Variants in CTNND2 observed in about 807,000 individuals in gnomAD.
CTNND2 encodes the protein catenin delta 2.
A neutral mutation model predicts 144.4 loss-of-function variants in CTNND2; 22 were observed. That is an observed-to-expected ratio of 0.15 (90% CI 0.11 to 0.22). CTNND2 has a LOEUF of 0.22. Ranked by LOEUF, CTNND2 falls within the 10% of genes least tolerant of loss-of-function variation. CTNND2 has a pLI of 1.00. For missense variants in CTNND2, 1,353 were observed against 1,618.8 expected, an observed-to-expected ratio of 0.84 and a Z score of 2.82; for synonymous variants, 751 against 695.6, an observed-to-expected ratio of 1.08 and a Z score of -1.25.
At chr5:11,333,409 A>G (rs191424840) in intron 9 of CTNND2, among the ~76,000 whole-genome samples, 148 of 152,270 alleles carry the variant, frequency 9.7e-4, no homozygotes, top group African/African-American at 3.4e-3. Context: ...GACCACAGGC[A>G]TGTGCCACCA....
rs1581953046 is a variant in CTNND2, at chr5:11,821,933, C to G, written c.37+81884G>C. Among the ~76,000 whole-genome samples, 3 of 152,108 alleles carry G rather than the reference C, an allele frequency of 2.0e-5. No homozygotes were observed. In the South Asian group the frequency reaches 6.2e-4, roughly 31 times the overall value. Reference sequence around the variant, plus strand: ...CAAATATGTCCCCCAAATAAGTAAACTACACATTCAGTTCAGTAAGGATGC... The same window carrying G: ...CAAATATGTCCCCCAAATAAGTAAAGTACACATTCAGTTCAGTAAGGATGC... On this transcript the variant is annotated intron_variant, in intron 1 of 21. Coordinates refer to ENST00000304623, the MANE Select transcript of CTNND2 (RefSeq NM_001332.4).
At chr5:11,093,396 AG>A (rs1326890530) in intron 15 of CTNND2, among the ~76,000 whole-genome samples, 1 of 152,236 alleles carries the variant, frequency 6.6e-6, no homozygotes. Flanking sequence ...AATGAGAAAA[AG>A]GTAACTGAAG....
intron 3 of CTNND2, among the ~76,000 whole-genome samples, chr5:11,480,173 G>A (rs139753797): frequency 6.6e-6 from 1 of 152,262 alleles, no homozygotes; most frequent in East Asian, 1.9e-4. Context: ...TCCATCTCGA[G>A]TTGATTTTTG....
intron 1 of CTNND2, among the ~76,000 whole-genome samples, chr5:11,744,980 C>T (rs1315515502): frequency 6.6e-6 from 1 of 152,052 alleles, no homozygotes; most frequent in East Asian, 1.9e-4. Flanking sequence ...AGGCGATCCA[C>T]CCACCTCGGC....
chr5:11,201,824 T>C (rs1681061894), intron 10 of CTNND2, among the ~76,000 whole-genome samples: 1 of 152,090 alleles, frequency 6.6e-6, no homozygotes, highest in Non-Finnish European at 1.5e-5. Flanking sequence ...GGAAACAACT[T>C]TACCCAACTT....
At chr5:11,039,601 T>C in intron 16 of CTNND2, among the ~76,000 whole-genome samples, 1 of 152,320 alleles carries the variant, frequency 6.6e-6, no homozygotes, top group East Asian at 1.9e-4. Context: ...CCTGTTGTTT[T>C]AATTGATTAG....
At chr5:11,686,431 T>C (rs1427639644) in intron 2 of CTNND2, among the ~76,000 whole-genome samples, 1 of 152,114 alleles carries the variant, frequency 6.6e-6, no homozygotes, top group Non-Finnish European at 1.5e-5. Flanking sequence ...TTTGTCAGAG[T>C]GAACTTTTTA....
chr5:11,699,190 A>G (rs907755280), intron 2 of CTNND2, among the ~76,000 whole-genome samples: 5 of 152,270 alleles, frequency 3.3e-5, no homozygotes, highest in Admixed American at 6.5e-5. Flanking sequence ...AATCGTAAGC[A>G]CTGGGACAAA....
At chr5:11,545,552 C>G (rs1229379225) in intron 3 of CTNND2, among the ~76,000 whole-genome samples, 1 of 149,026 alleles carries the variant, frequency 6.7e-6, no homozygotes, top group African/African-American at 2.5e-5. Context: ...ATCTCAGGTC[C>G]TCGGGAGACT....
rs1264170271 is a variant in CTNND2 at position 10,972,340 on chromosome 5, C to T, written c.*1113G>A. ...AGGAACAAACTGATGTACATTTATA[C>T]TAAAAAACCAAAAACAAAGTTTGTA... On this transcript the variant is annotated 3_prime_UTR_variant, in exon 22 of 22. Coordinates refer to ENST00000304623, the MANE Select transcript of CTNND2 (RefSeq NM_001332.4). The T allele has an allele frequency of 6.6e-6, 1 of 152,312 alleles. No homozygotes were observed. The highest frequency in any genetic ancestry group is 1.9e-4 in the East Asian group (1 of 5,198). 9.4% of individuals were successfully genotyped at this position (152,312 alleles called of 1,614,324 possible).
chr5:11,511,330 GA>G (rs1771625590), intron 3 of CTNND2, among the ~76,000 whole-genome samples: 2 of 152,158 alleles, frequency 1.3e-5, no homozygotes, highest in African/African-American at 2.4e-5. Flanking sequence ...GATGTGTCCA[GA>G]AATTAGAGTA....
intron 16 of CTNND2, among the ~76,000 whole-genome samples, chr5:11,068,134 A>G (rs1040538764): frequency 6.6e-6 from 1 of 152,342 alleles, no homozygotes; most frequent in African/African-American, 2.4e-5. Context: ...TTAAACTTTA[A>G]TAATTATAAA....
intron 16 of CTNND2, among the ~76,000 whole-genome samples, chr5:11,081,009 G>A (rs953716131): frequency 6.6e-6 from 1 of 151,784 alleles, no homozygotes; most frequent in South Asian, 2.1e-4. Flanking sequence ...CTTGGGAGGT[G>A]GAGGTTGCAG....
At position 10,992,667 on chromosome 5, in the gene CTNND2, G is replaced by T; in HGVS notation, c.3095C>A (p.Ser1032Ter). The part of the protein sequence containing the change: ...LRSLYKKDGW[S>*]QYHFVASSST... The stretch of plus-strand genomic sequence containing the variant: ...AGACGAGGCTACAAAGTGGTATTGT[G>T]ACCATCCATCCTGCAAAACACAGCA... Residue 1032 changes from serine to a stop codon, truncating the protein, a stop_gained, in exon 19 of 22, where the codon TCA becomes TAA. Transcript: ENST00000304623. LOFTEE classifies it high-confidence loss of function. The T allele has an allele frequency of 6.2e-7, 1 of 1,614,064 alleles. No homozygotes were observed. Among genetic ancestry groups the T allele is most frequent in the South Asian group, 1.1e-5 (1 of 91,056 alleles).
At chr5:11,852,848 C>T (rs1279755968) in intron 1 of CTNND2, among the ~76,000 whole-genome samples, 1 of 152,126 alleles carries the variant, frequency 6.6e-6, no homozygotes, top group African/African-American at 2.4e-5. Context: ...CAATAGGAAA[C>T]CAATTTGATA....
chr5:11,353,581 G>C (rs1755554635), intron 8 of CTNND2, among the ~76,000 whole-genome samples: 2 of 152,142 alleles, frequency 1.3e-5, no homozygotes, highest in Non-Finnish European at 2.9e-5. Flanking sequence ...AAGGTGGGCG[G>C]ATCACGAGGT....
At chr5:11,143,895 C>A (rs1447550039) in intron 12 of CTNND2, among the ~76,000 whole-genome samples, 1 of 151,668 alleles carries the variant, frequency 6.6e-6, no homozygotes, top group Admixed American at 6.5e-5. Flanking sequence ...TCCATAGGGG[C>A]AGTCGCCAGG....
At chr5:11,216,214 A>G in intron 10 of CTNND2, among the ~76,000 whole-genome samples, 1 of 152,200 alleles carries the variant, frequency 6.6e-6, no homozygotes, top group Non-Finnish European at 1.5e-5. Context: ...TGGTAGGCAG[A>G]ACAATGCCCC....
intron 16 of CTNND2, among the ~76,000 whole-genome samples, chr5:11,039,451 G>T (rs572718629): frequency 5.9e-5 from 9 of 152,206 alleles, no homozygotes; most frequent in African/African-American, 1.9e-4. Flanking sequence ...CCAACCCTCT[G>T]GATTGATCAT....
Sources: allele counts gnomAD v4.1 joint callset (sites outside exome capture counted in the v4.1 genomes callset), GRCh38; gene constraint gnomAD v4.1.1; transcripts MANE v1.5; gene names NCBI Gene and HGNC (gene_info 2026-07-23, HGNC 2026-07-21).